Variants in RASD2 observed in about 807,000 individuals in gnomAD.
The protein encoded by RASD2 is RASD family member 2.
Under a neutral mutation model 15.8 loss-of-function variants are expected in RASD2, and 7 were observed. That is an observed-to-expected ratio of 0.44 (90% CI 0.25 to 0.83). The LOEUF (loss-of-function observed/expected upper bound fraction) is 0.83. Among genes scored for constraint, RASD2 ranks in the 40% least tolerant of loss-of-function variants. The pLI is 0.20. For missense variants in RASD2, 274 were observed against 382.8 expected, an observed-to-expected ratio of 0.72 and a Z score of 2.37; for synonymous variants, 155 against 153.6, an observed-to-expected ratio of 1.01 and a Z score of -0.07.
At chr22:35,545,377 C>T (rs184022937) in intron 1 of RASD2, among the ~76,000 whole-genome samples, 96 of 152,216 alleles carry the variant, frequency 6.3e-4, no homozygotes, top group Non-Finnish European at 6.0e-4. Context: ...GGGTGGGGAC[C>T]GAGTTTGGGC....
At position 35,547,090 on chromosome 22, in the gene RASD2, A is replaced by C. The variant is rs1368187319; in HGVS notation, c.271+10A>C. The stretch of plus-strand genomic sequence containing the variant: ...CTGTCCATCCTCACAGGTGAGGCCC[A>C]CTGGTGCCTGGGCTGGGGCGGCAGG... On this transcript the variant is annotated intron_variant, in intron 2 of 2. Transcript: ENST00000216127. The C allele has an allele frequency of 1.2e-6, 2 of 1,608,208 alleles. No individual in the cohort carries two copies. The highest frequency in any genetic ancestry group is 1.7e-5 in the Admixed American group (1 of 59,892).
intron 2 of RASD2, among the ~76,000 whole-genome samples, chr22:35,548,825 A>G (rs1934583298): frequency 6.6e-6 from 1 of 151,958 alleles, no homozygotes; most frequent in Non-Finnish European, 1.5e-5. Context: ...ATCCTGTCTG[A>G]GTCTCAGCCT....
intron 1 of RASD2, 87 bp downstream of exon 1, chr22:35,541,587 G>C (rs1200912615): frequency 6.6e-6 from 1 of 152,320 alleles, no homozygotes; most frequent in Non-Finnish European, 1.5e-5. Flanking sequence ...GGAAAGCTCA[G>C]TGATTCCTTA....
the RASD2 span, among the ~76,000 whole-genome samples, chr22:35,535,665 G>GC: frequency 1.3e-5 from 2 of 152,300 alleles, no homozygotes; most frequent in African/African-American, 4.8e-5. Flanking sequence ...GAGATGAGCA[G>GC]CCCCTCAGGC....
chr22:35,546,309 T>C (rs897869100), intron 1 of RASD2, among the ~76,000 whole-genome samples: 2 of 152,136 alleles, frequency 1.3e-5, no homozygotes, highest in African/African-American at 4.8e-5. Context: ...AAGAAATGCA[T>C]GCTAGTGCCT....
In RASD2 at chr22:35,551,365, T is replaced by C; in HGVS notation, c.272-138T>C. 1 of 798,508 alleles carries C rather than the reference T, an allele frequency of 1.3e-6. No homozygotes were observed. Among genetic ancestry groups the C allele is most frequent in the Non-Finnish European group, 2.1e-6 (1 of 485,540 alleles). The allele number at this position is 798,508 out of a possible 1,614,324, so 49.5% of individuals were successfully genotyped here. A position where few individuals can be genotyped will look rare whatever the true frequency, so the allele number is the denominator to read the frequency against. ...GCAGCTACCCCGAAGAGTCGCTGTGTAGGTTAAAGCAGTTATGCCGCATAA... is the reference window on the plus strand; with the variant it reads ...GCAGCTACCCCGAAGAGTCGCTGTGCAGGTTAAAGCAGTTATGCCGCATAA... On this transcript the variant is annotated intron_variant, in intron 2 of 2. Coordinates refer to ENST00000216127, the MANE Select transcript of RASD2 (RefSeq NM_014310.4). This position sits in a 1 kb window ranked among gnomAD's most constrained non-coding sequence, Gnocchi z 4.9.
chr22:35,550,065 A>G (rs1276988626), intron 2 of RASD2, among the ~76,000 whole-genome samples: 1 of 152,124 alleles, frequency 6.6e-6, no homozygotes, highest in Non-Finnish European at 1.5e-5. Flanking sequence ...GTTCAAGACC[A>G]GCCTGGCTAA....
At chr22:35,540,497 C>G (rs1291449347), upstream of RASD2, among the ~76,000 whole-genome samples, 1 of 150,454 alleles carries the variant, frequency 6.6e-6, no homozygotes, top group Non-Finnish European at 1.5e-5. Context: ...GGGGGGCAGA[C>G]GCTGGCGCTG....
rs376264785 is a variant in RASD2, at chr22:35,548,011, T to C, written c.271+931T>C. 1.1e-4 allele frequency among the ~76,000 whole-genome samples: 17 copies of C among 152,280 alleles called. No individual in the cohort carries two copies. The East Asian group carries it at 1.4e-3, about 12-fold the overall frequency. On this transcript the variant is annotated intron_variant, in intron 2 of 2. Coordinates refer to ENST00000216127, the MANE Select transcript of RASD2 (RefSeq NM_014310.4). Reference sequence around the variant, plus strand: ...AGAGAGGTTAAGTAACTCACTCCAGTGGTAGCACAGCTCGTAAAGGCAGTC... The same window carrying C: ...AGAGAGGTTAAGTAACTCACTCCAGCGGTAGCACAGCTCGTAAAGGCAGTC...
chr22:35,551,496 C>T lies in RASD2; in HGVS notation c.272-7C>T. The T allele has an allele frequency of 1.9e-6, 3 of 1,603,042 alleles. No homozygotes were observed. The stretch of plus-strand genomic sequence containing the variant: ...GTGAACTCACTACCTGGGCTCTCTC[C>T]CTGCAGGGGATGTCTTCATCCTGGT... On this transcript the variant is annotated splice_region_variant and splice_polypyrimidine_tract_variant and intron_variant, in intron 2 of 2. Coordinates refer to ENST00000216127, the MANE Select transcript of RASD2 (RefSeq NM_014310.4). This position sits in a 1 kb window ranked among gnomAD's most constrained non-coding sequence, Gnocchi z 4.9.
At chr22:35,539,905 A>G (rs1197259489), upstream of RASD2, among the ~76,000 whole-genome samples, 1 of 152,150 alleles carries the variant, frequency 6.6e-6, no homozygotes, top group Admixed American at 6.5e-5. Context: ...CAGGCAGGAG[A>G]CGCAATGCTC....
At chr22:35,546,242 C>T (rs780010088) in intron 1 of RASD2, among the ~76,000 whole-genome samples, 6 of 152,148 alleles carry the variant, frequency 3.9e-5, no homozygotes, top group Non-Finnish European at 8.8e-5. Flanking sequence ...TGGACATAGC[C>T]TTCCCTTCTT....
chr22:35,543,670 C>T (rs1934412377), intron 1 of RASD2, among the ~76,000 whole-genome samples: 1 of 152,240 alleles, frequency 6.6e-6, no homozygotes, highest in East Asian at 1.9e-4. Flanking sequence ...CACACAGCCC[C>T]ACGTGGCTCA....
In RASD2 at chr22:35,546,946, A is replaced by C; in HGVS notation, c.137A>C (p.Asp46Ala). ...CGCTTCCTCAATGGCCGCTTTGAGG[A>C]CCAGTACACACCCACCATCGAGGAC... is the stretch of plus-strand genomic sequence containing the variant. ...VSRFLNGRFE[D>A]QYTPTIEDFH... The change falls in exon 2 of 3, where the codon GAC (aspartate) becomes GCC (alanine). Residue 46 changes from aspartate to alanine, a missense_variant. Coordinates refer to ENST00000216127, the MANE Select transcript of RASD2 (RefSeq NM_014310.4). 6.2e-7 allele frequency: 1 copy of C among 1,613,926 alleles called. No homozygotes were observed. The highest frequency in any genetic ancestry group is 8.5e-7 in the Non-Finnish European group (1 of 1,179,944).
chr22:35,546,557 C>T (rs1934507112), intron 1 of RASD2, among the ~76,000 whole-genome samples: 1 of 152,038 alleles, frequency 6.6e-6, no homozygotes, highest in African/African-American at 2.4e-5. Context: ...CCCAGGAGTC[C>T]GGTGCTTGCA....
At chr22:35,535,167 G>A in the RASD2 span, among the ~76,000 whole-genome samples, 3 of 152,186 alleles carry the variant, frequency 2.0e-5, no homozygotes, top group Non-Finnish European at 4.4e-5. Flanking sequence ...ACATTGGGAG[G>A]CAGAGGCAGG....
In RASD2 at chr22:35,551,637, G is replaced by A. The variant is rs1293943598; in HGVS notation, c.406G>A (p.Val136Ile). 1.2e-6 allele frequency: 2 copies of A among 1,614,176 alleles called. No individual in the cohort carries two copies. The highest frequency in any genetic ancestry group is 4.5e-5 in the East Asian group (2 of 44,878). The change falls in exon 3 of 3, where the codon GTC (valine) becomes ATC (isoleucine). Residue 136 changes from valine to isoleucine, a missense_variant. Coordinates refer to ENST00000216127, the MANE Select transcript of RASD2 (RefSeq NM_014310.4). The surrounding 1 kb of genome is among the most constrained non-coding windows in gnomAD (Gnocchi z 4.9). The part of the protein sequence containing the change: ...KTKEAAELPM[V>I]ICGNKNDHGE... ...CAAGGAGGCGGCGGAGCTGCCCATGGTCATCTGTGGCAACAAGAACGACCA... is the reference window on the plus strand; with the variant it reads ...CAAGGAGGCGGCGGAGCTGCCCATGATCATCTGTGGCAACAAGAACGACCA...
At chr22:35,533,459 A>G in the RASD2 span, among the ~76,000 whole-genome samples, 2 of 152,212 alleles carry the variant, frequency 1.3e-5, no homozygotes, top group Non-Finnish European at 2.9e-5. Flanking sequence ...TGATGATGAC[A>G]ACAATGATGG....
At chr22:35,540,541 G>A (rs1049655052), upstream of RASD2, among the ~76,000 whole-genome samples, 3 of 151,638 alleles carry the variant, frequency 2.0e-5, no homozygotes, top group South Asian at 2.1e-4. Flanking sequence ...GGGGGCCGAA[G>A]GAGCAGGTGG....
Sources: gnomAD v4.1 joint callset for allele counts (sites outside exome capture counted in the v4.1 genomes callset) on GRCh38, gnomAD v4.1.1 for gene constraint, Gnocchi (gnomAD v3.1) non-coding constraint, MANE v1.5 for transcripts, NCBI Gene and HGNC (gene_info 2026-07-23, HGNC 2026-07-21) for gene names.